LARS2: variants seen among roughly 807,000 people sequenced by gnomAD.
LARS2 encodes leucine--tRNA ligase, mitochondrial.
A neutral mutation model predicts 116.6 loss-of-function variants in LARS2; 81 were observed. That is an observed-to-expected ratio of 0.69 (90% confidence interval 0.58 to 0.84). LARS2 has a LOEUF of 0.84. LARS2 is among the 40% of genes least tolerant of loss of function. The pLI, the probability that LARS2 is intolerant of heterozygous loss-of-function variation, is 0.00. For missense variants in LARS2, 968 were observed against 1,114.5 expected, an observed-to-expected ratio of 0.87 and a Z score of 1.87; for synonymous variants, 396 against 407.2, an observed-to-expected ratio of 0.97 and a Z score of 0.33.
At chr3:45,397,902 T>C (rs1218635600) in intron 3 of LARS2, among the ~76,000 whole-genome samples, 3 of 152,204 alleles carry the variant, frequency 2.0e-5, no homozygotes, top group African/African-American at 7.2e-5. Context: ...AGGACAGTTA[T>C]TAAGTTCCTG....
chr3:45,425,855 G>A (rs555703059), intron 6 of LARS2, among the ~76,000 whole-genome samples: 4 of 151,440 alleles, frequency 2.6e-5, no homozygotes, highest in South Asian at 2.1e-4. Flanking sequence ...TTAGCATCAC[G>A]GAATCTCAGT....
At chr3:45,529,516 T>C (rs1329964507) in intron 20 of LARS2, among the ~76,000 whole-genome samples, 2 of 146,580 alleles carry the variant, frequency 1.4e-5, no homozygotes, top group African/African-American at 5.1e-5. Context: ...GCCATTGCAC[T>C]CCATCCTGGG....
chr3:45,392,919 T>C (rs777723105), intron 2 of LARS2, among the ~76,000 whole-genome samples: 7 of 152,224 alleles, frequency 4.6e-5, no homozygotes, highest in African/African-American at 7.2e-5. Context: ...TTGTCATCTG[T>C]TTTTTCACTG....
chr3:45,522,320 A>G (rs1349943127), intron 19 of LARS2, among the ~76,000 whole-genome samples: 1 of 152,178 alleles, frequency 6.6e-6, no homozygotes, highest in Non-Finnish European at 1.5e-5. Context: ...CTGATGGGGG[A>G]ATTGTGAAAT....
chr3:45,440,665 A>G (rs966400065), intron 6 of LARS2, among the ~76,000 whole-genome samples: 25 of 152,254 alleles, frequency 1.6e-4, no homozygotes, highest in African/African-American at 5.8e-4. Flanking sequence ...ACAGCTTTGA[A>G]TGAGCTGTTC....
At chr3:45,481,157 A>G (rs1284791285) in intron 10 of LARS2, among the ~76,000 whole-genome samples, 1 of 152,196 alleles carries the variant, frequency 6.6e-6, no homozygotes, top group East Asian at 1.9e-4. Context: ...AATATTTGTC[A>G]TCTTATTGTC....
intron 10 of LARS2, among the ~76,000 whole-genome samples, chr3:45,482,534 A>T (rs890858674): frequency 1.3e-5 from 2 of 152,224 alleles, no homozygotes; most frequent in Admixed American, 1.3e-4. Flanking sequence ...CCTTGCTAAA[A>T]CGTTTTGCTA....
rs200009027 is a variant in LARS2 at position 45,474,975 on chromosome 3, A to T, written c.858+625A>T. ...GGAAACAGTGCTGAAAGGTCACAACATAAGGCCCACCTATTCTAGAAGGGG... is the reference window on the plus strand; with the variant it reads ...GGAAACAGTGCTGAAAGGTCACAACTTAAGGCCCACCTATTCTAGAAGGGG... On this transcript the variant is annotated intron_variant, in intron 9 of 21. Coordinates refer to ENST00000645846, the MANE Select transcript of LARS2 (RefSeq NM_015340.4). 2.6e-5 allele frequency among the ~76,000 whole-genome samples: 4 copies of T among 152,250 alleles called. No homozygotes were observed. In the East Asian group the frequency reaches 7.7e-4, roughly 29 times the overall value.
chr3:45,473,282 AT>A (rs1314346718), intron 8 of LARS2, among the ~76,000 whole-genome samples: 12 of 152,198 alleles, frequency 7.9e-5, no homozygotes, highest in African/African-American at 2.9e-4. Context: ...TCATATAAGT[AT>A]ATAGCCTATT....
At chr3:45,533,168 T>TTTTTTA in intron 20 of LARS2, among the ~76,000 whole-genome samples, 1 of 118,906 alleles carries the variant, frequency 8.4e-6, no homozygotes, top group Non-Finnish European at 1.9e-5. Context: ...TTTTTTTTTT[T>TTTTTTA]GAGATGGAGT....
chr3:45,518,006 G>C lies in LARS2; in HGVS notation c.2148G>C (p.Leu716=), dbSNP rs1700397027. 1 of 1,613,746 alleles carries C rather than the reference G, an allele frequency of 6.2e-7. No individual in the cohort carries two copies. The highest frequency in any genetic ancestry group is 1.3e-5 in the African/African-American group (1 of 75,024). Residue 716 remains leucine, a synonymous_variant, in exon 18 of 22, where the codon CTG becomes CTC. Coordinates refer to ENST00000645846, the MANE Select transcript of LARS2 (RefSeq NM_015340.4). ...RASGKSPQPQ[L]LSNKEKAEAR... ...CTGGGAAGTCTCCCCAGCCTCAGCT[G>C]CTGAGTAACAAGGAGAAAGCTGAGG...
At chr3:45,517,113 T>C (rs1052559816) in intron 17 of LARS2, among the ~76,000 whole-genome samples, 1 of 152,190 alleles carries the variant, frequency 6.6e-6, no homozygotes, top group African/African-American at 2.4e-5. Context: ...CAGATGCCAG[T>C]CCTAGAACTA....
chr3:45,440,134 A>T (rs1040455375), intron 6 of LARS2, among the ~76,000 whole-genome samples: 4 of 152,198 alleles, frequency 2.6e-5, no homozygotes, highest in African/African-American at 9.7e-5. Flanking sequence ...GCAGGTGTAC[A>T]GAGCTGTGGA....
At chr3:45,460,614 T>G (rs1368178986) in intron 8 of LARS2, among the ~76,000 whole-genome samples, 1 of 152,194 alleles carries the variant, frequency 6.6e-6, no homozygotes, top group East Asian at 1.9e-4. Flanking sequence ...AAAACTGTCT[T>G]TTGAAGTCAG....
rs760680480 is a variant in LARS2, at chr3:45,399,586, C to G, written c.235-659C>G. On this transcript the variant is annotated intron_variant, in intron 3 of 21. Coordinates refer to ENST00000645846, the MANE Select transcript of LARS2 (RefSeq NM_015340.4). The stretch of plus-strand genomic sequence containing the variant: ...CAGACTGGCGCTGAATTCTTTCTTG[C>G]GTGAGATCCAAGAACCCTCTCTTCG... Among the ~76,000 whole-genome samples, 4 of 151,950 alleles carry G rather than the reference C, an allele frequency of 2.6e-5. No homozygotes were observed. The South Asian group carries it at 8.3e-4, about 32-fold the overall frequency.
Position 45,517,948 on chromosome 3 carries a change from C to T in LARS2, c.2090C>T (p.Thr697Ile), listed in dbSNP as rs777887373. ...CTGAGATGGCAACAACGACTGTGGA[C>T]CTTGACAACTCGGTTTATTGAGGCC... ...GVLRWQQRLW[T>I]LTTRFIEARA... is the part of the protein sequence containing the mutation. The change falls in exon 18 of 22, where the codon ACC becomes ATC. Residue 697 changes from threonine to isoleucine, a missense_variant. Coordinates refer to ENST00000645846, the MANE Select transcript of LARS2 (RefSeq NM_015340.4). The T allele has an allele frequency of 5.5e-5, 89 of 1,613,924 alleles. No homozygotes were observed. The highest frequency in any genetic ancestry group is 7.3e-5 in the Non-Finnish European group (86 of 1,179,970).
chr3:45,456,069 T>A (rs937328560), intron 7 of LARS2, among the ~76,000 whole-genome samples: 1 of 152,018 alleles, frequency 6.6e-6, no homozygotes, highest in Non-Finnish European at 1.5e-5. Flanking sequence ...AGGAATACAT[T>A]TTGAGATCTA....
chr3:45,411,710 A>G (rs1445575084), intron 4 of LARS2, among the ~76,000 whole-genome samples: 1 of 152,188 alleles, frequency 6.6e-6, no homozygotes, highest in Non-Finnish European at 1.5e-5. Flanking sequence ...TTTTTAAAAA[A>G]TTTATTTTAG....
chr3:45,389,171 G>A (rs1697895584), intron 1 of LARS2: 2 of 151,712 alleles, frequency 1.3e-5, no homozygotes. Context: ...TCTTTAAGAT[G>A]AATTTTTCCA....
Sources: allele counts gnomAD v4.1 joint callset (sites outside exome capture counted in the v4.1 genomes callset), GRCh38; gene constraint gnomAD v4.1.1; transcripts MANE v1.5; gene names NCBI Gene and HGNC (gene_info 2026-07-23, HGNC 2026-07-21).